Variants in CD96 observed in about 807,000 individuals in gnomAD.
CD96 encodes the protein T-cell surface protein tactile.
CD96 carries 70 observed loss-of-function variants against 71.3 expected under a neutral mutation model. That is an observed-to-expected ratio of 0.98 (90% confidence interval 0.81 to 1.20). CD96 has a LOEUF of 1.20. Among genes scored for constraint, CD96 ranks in the 50% most tolerant of loss-of-function variants. The probability of loss-of-function intolerance (pLI) is 0.00; values close to 1 mark genes in which losing one functional copy is unlikely to be tolerated. For synonymous variants in CD96, 248 were observed against 233.0 expected (o/e 1.06, Z -0.59); for missense variants, 742 against 677.5 (o/e 1.10, Z -1.06).
At chr3:111,590,871 G>T (rs149049577) in intron 5 of CD96, among the ~76,000 whole-genome samples, 1 of 152,082 alleles carries the variant, frequency 6.6e-6, no homozygotes, top group Non-Finnish European at 1.5e-5. Context: ...AGCCTCATAC[G>T]TCTCTCACTC....
At chr3:111,547,466 G>A (rs1934469396) in intron 2 of CD96, among the ~76,000 whole-genome samples, 2 of 152,102 alleles carry the variant, frequency 1.3e-5, no homozygotes, top group Non-Finnish European at 2.9e-5. Flanking sequence ...ATTGCCTCAC[G>A]GAGGACTCAG....
At chr3:111,604,752 T>A (rs559890089) in intron 7 of CD96, among the ~76,000 whole-genome samples, 3 of 152,368 alleles carry the variant, frequency 2.0e-5, no homozygotes, top group Admixed American at 2.0e-4. Context: ...TTCCAGGAAC[T>A]GGCAACCTTC....
chr3:111,623,645 A>G (rs1374331876), intron 8 of CD96, 109 bp from the exon 9 acceptor site: 2 of 742,194 alleles, frequency 2.7e-6, no homozygotes, highest in Admixed American at 4.0e-5. Flanking sequence ...GCTGTTCACT[A>G]AGATTCTTTC....
chr3:111,598,255 G>T (rs1490388164), intron 6 of CD96, 45 bp downstream of exon 6: 4 of 839,726 alleles, frequency 4.8e-6, no homozygotes, highest in East Asian at 4.8e-5. Context: ...CAAAAAGAAA[G>T]AAAACAAAGA....
At chr3:111,573,864 C>A (rs556556799) in intron 3 of CD96, among the ~76,000 whole-genome samples, 1 of 151,638 alleles carries the variant, frequency 6.6e-6, no homozygotes, top group African/African-American at 2.4e-5. Context: ...ACTGTAACCT[C>A]TTACCTGATG....
chr3:111,640,242 A>C (rs773634053), intron 12 of CD96, among the ~76,000 whole-genome samples: 1 of 152,196 alleles, frequency 6.6e-6, no homozygotes, highest in Admixed American at 6.5e-5. Context: ...AAAATGACAC[A>C]AGAAGTGAAG....
chr3:111,615,584 G>A (rs1276176961), intron 8 of CD96, among the ~76,000 whole-genome samples: 3 of 152,140 alleles, frequency 2.0e-5, no homozygotes, highest in African/African-American at 7.2e-5. Flanking sequence ...TGTCTAAGGG[G>A]TGTGTGTGTA....
intron 2 of CD96, among the ~76,000 whole-genome samples, chr3:111,555,170 C>A (rs534165101): frequency 8.5e-6 from 1 of 118,058 alleles, no homozygotes; most frequent in African/African-American, 3.2e-5. Context: ...GGTCCAGGGG[C>A]TAAGAACCCC....
chr3:111,660,335 A>G (rs965009229), intron 14 of CD96, among the ~76,000 whole-genome samples: 2 of 152,246 alleles, frequency 1.3e-5, no homozygotes, highest in Non-Finnish European at 2.9e-5. Context: ...TACAAGAAAA[A>G]CTACAAAACA....
At chr3:111,569,970 G>A (rs1180908333) in intron 3 of CD96, among the ~76,000 whole-genome samples, 2 of 151,958 alleles carry the variant, frequency 1.3e-5, no homozygotes, top group Admixed American at 6.6e-5. Context: ...CCCAAGGCTG[G>A]GGCCGTCAAG....
chr3:111,665,355 C>G (rs780632486), intron 14 of CD96, among the ~76,000 whole-genome samples: 1 of 152,000 alleles, frequency 6.6e-6, no homozygotes, highest in Non-Finnish European at 1.5e-5. Flanking sequence ...AAGACTGCAA[C>G]CTTTTTACAG....
intron 14 of CD96, among the ~76,000 whole-genome samples, chr3:111,660,102 C>T (rs140547607): frequency 1.1e-3 from 160 of 152,348 alleles, no homozygotes; most frequent in Middle Eastern, 0.01. Context: ...TCACTTATGG[C>T]ATGACTCTGT....
rs1343521431 is a variant in CD96 at position 111,651,028 on chromosome 3, G to T, written c.*1222G>T. On this transcript the variant is annotated 3_prime_UTR_variant, in exon 14 of 14. Transcript: ENST00000352690. ...ACTGCACATGAGAATGCCTTGTGCA[G>T]AGTTATTTGGAGATTATGTCTTTTT... 3 of 152,234 alleles carry T rather than the reference G, an allele frequency of 2.0e-5. No homozygotes were observed. Among genetic ancestry groups the T allele is most frequent in the African/African-American group, 7.2e-5 (3 of 41,464 alleles). The allele number at this position is 152,234 out of a possible 1,614,324, so 9.4% of individuals were successfully genotyped here.
chr3:111,638,686 T>C (rs1939451727), intron 12 of CD96, among the ~76,000 whole-genome samples: 5 of 152,188 alleles, frequency 3.3e-5, no homozygotes, highest in Admixed American at 3.3e-4. Flanking sequence ...AGGTCATGAT[T>C]GTAAGTTCAC....
chr3:111,569,883 G>C (rs960191867), intron 3 of CD96, among the ~76,000 whole-genome samples: 2 of 152,186 alleles, frequency 1.3e-5, no homozygotes, highest in Non-Finnish European at 2.9e-5. Flanking sequence ...TCCTCCGAAG[G>C]GGGACGTTTA....
chr3:111,612,642 A>G (rs1283403609), intron 8 of CD96, among the ~76,000 whole-genome samples: 1 of 152,230 alleles, frequency 6.6e-6, no homozygotes. Context: ...AAAGTAGATG[A>G]GCCAGTATTG....
chr3:111,597,997 T>G, intron 5 of CD96, 123 bp from the exon 6 acceptor site: 1 of 711,998 alleles, frequency 1.4e-6, no homozygotes, highest in East Asian at 2.5e-5. Context: ...GACATTGCCT[T>G]CTATTTATTC....
At chr3:111,612,389 A>AT (rs1216417561) in intron 8 of CD96, among the ~76,000 whole-genome samples, 2 of 152,190 alleles carry the variant, frequency 1.3e-5, no homozygotes, top group African/African-American at 4.8e-5. Context: ...GGACCTTTCC[A>AT]TTTTTTCCCT....
At position 111,652,215 on chromosome 3, in the gene CD96, GA is replaced by G. The variant is rs1940114793; in HGVS notation, c.*2414del. The G allele has an allele frequency of 6.6e-6, 1 of 152,048 alleles. No individual in the cohort carries two copies. Among genetic ancestry groups the G allele is most frequent in the African/African-American group, 2.4e-5 (1 of 41,390 alleles). 9.4% of individuals were successfully genotyped at this position (152,048 alleles called of 1,614,324 possible). On this transcript the variant is annotated 3_prime_UTR_variant, in exon 14 of 14. Coordinates refer to ENST00000352690, the MANE Select transcript of CD96 (RefSeq NM_005816.5). ...AGATAACTATACAGCTCAACAACTA[GA>G]AAAATAAACTGTTTACCTGCCTTAA...
Sources: gnomAD v4.1 joint callset for allele counts (sites outside exome capture counted in the v4.1 genomes callset) on GRCh38, gnomAD v4.1.1 for gene constraint, MANE v1.5 for transcripts, NCBI Gene and HGNC (gene_info 2026-07-23, HGNC 2026-07-21) for gene names.